CTNND2: variants seen among roughly 807,000 people sequenced by gnomAD.
CTNND2 encodes the protein catenin delta-2.
Under a neutral mutation model 144.4 loss-of-function variants are expected in CTNND2, and 22 were observed. The observed-to-expected ratio is 0.15, with a 90% CI of 0.11 to 0.22. The LOEUF is 0.22. Among genes scored for constraint, CTNND2 ranks in the 10% least tolerant of loss-of-function variants. The pLI is 1.00. For synonymous variants in CTNND2, 751 were observed against 695.6 expected, an observed-to-expected ratio of 1.08 and a Z score of -1.25; for missense variants, 1,353 against 1,618.8, an observed-to-expected ratio of 0.84 and a Z score of 2.82.
At chr5:11,588,365 C>G (rs1779012523) in intron 2 of CTNND2, among the ~76,000 whole-genome samples, 1 of 151,450 alleles carries the variant, frequency 6.6e-6, no homozygotes, top group Non-Finnish European at 1.5e-5. Flanking sequence ...ACTTAATTCT[C>G]ACAGAATTGT....
At chr5:11,731,770 C>A (rs1429358732) in intron 2 of CTNND2, among the ~76,000 whole-genome samples, 3 of 152,032 alleles carry the variant, frequency 2.0e-5, no homozygotes, top group Non-Finnish European at 2.9e-5. Flanking sequence ...TATTTTTAAC[C>A]TCCCGGATAT....
intron 11 of CTNND2, among the ~76,000 whole-genome samples, chr5:11,167,718 CAG>C (rs1759480456): frequency 6.9e-6 from 1 of 145,020 alleles, no homozygotes; most frequent in Admixed American, 7.0e-5. Context: ...TTTTTTCAGA[CAG>C]AGTCTCACTC....
chr5:11,013,510 G>T (rs931622578), intron 18 of CTNND2, among the ~76,000 whole-genome samples: 1 of 152,154 alleles, frequency 6.6e-6, no homozygotes, highest in African/African-American at 2.4e-5. Context: ...AAATGACCTT[G>T]TAGATAAAGA....
chr5:11,748,432 C>T (rs2126780200), intron 1 of CTNND2, among the ~76,000 whole-genome samples: 1 of 152,100 alleles, frequency 6.6e-6, no homozygotes, highest in African/African-American at 2.4e-5. Context: ...TTCAATATTA[C>T]ACTTCAGGGC....
chr5:11,543,867 G>A (rs1046019893), intron 3 of CTNND2, among the ~76,000 whole-genome samples: 6 of 152,010 alleles, frequency 3.9e-5, no homozygotes, highest in African/African-American at 1.4e-4. Flanking sequence ...CCTCATACTC[G>A]GCAGAATAAA....
intron 2 of CTNND2, among the ~76,000 whole-genome samples, chr5:11,624,713 A>G (rs1031415814): frequency 2.6e-5 from 4 of 152,110 alleles, no homozygotes; most frequent in Non-Finnish European, 5.9e-5. Flanking sequence ...GAAAAATAAA[A>G]CAAAATGATT....
chr5:11,060,216 A>G (rs1016980678), intron 16 of CTNND2, among the ~76,000 whole-genome samples: 6 of 152,198 alleles, frequency 3.9e-5, no homozygotes, highest in Non-Finnish European at 5.9e-5. Context: ...TTATAAAGGT[A>G]CTAGCAAAGA....
chr5:11,318,065 C>T (rs576740271), intron 9 of CTNND2, among the ~76,000 whole-genome samples: 1 of 152,312 alleles, frequency 6.6e-6, no homozygotes, highest in East Asian at 1.9e-4. Context: ...TCAGGGAACC[C>T]TCAGTCCCTC....
intron 11 of CTNND2, among the ~76,000 whole-genome samples, chr5:11,167,852 G>A (rs1299609862): frequency 1.3e-5 from 2 of 150,164 alleles, no homozygotes; most frequent in African/African-American, 2.5e-5. Flanking sequence ...CTTCATGCAC[G>A]TGCTACCATA....
intron 3 of CTNND2, among the ~76,000 whole-genome samples, chr5:11,439,924 G>A (rs984583829): frequency 4.6e-5 from 7 of 151,418 alleles, no homozygotes; most frequent in Non-Finnish European, 8.8e-5. Context: ...TCCCTCCCTG[G>A]TCTCCCAAAT....
chr5:11,287,072 G>A (rs551910175), intron 9 of CTNND2, among the ~76,000 whole-genome samples: 129 of 152,170 alleles, frequency 8.5e-4, no homozygotes, highest in African/African-American at 2.8e-3. Flanking sequence ...GCATATTTCC[G>A]GTATCTCTGT....
At chr5:11,762,016 A>G (rs1357698028) in intron 1 of CTNND2, among the ~76,000 whole-genome samples, 2 of 152,232 alleles carry the variant, frequency 1.3e-5, no homozygotes, top group African/African-American at 4.8e-5. Context: ...TGTGTTATCC[A>G]CAGGCATAGG....
rs186238083 is a variant in CTNND2 at position 11,521,083 on chromosome 5, G to A, written c.287+43861C>T. On this transcript the variant is annotated intron_variant, in intron 3 of 21. Coordinates refer to ENST00000304623, the MANE Select transcript of CTNND2 (RefSeq NM_001332.4). ...GAGGGGTAATTCGAATTTTCAAGTT[G>A]AAGATGTGCTTATTACCATTTTAGA... 2.3e-3 allele frequency among the ~76,000 whole-genome samples: 346 copies of A among 152,272 alleles called. 2 individuals carry two copies. Among genetic ancestry groups the A allele is most frequent in the African/African-American group, 7.9e-3 (329 of 41,544 alleles).
At chr5:11,555,770 A>G (rs943152271) in intron 3 of CTNND2, among the ~76,000 whole-genome samples, 1 of 152,222 alleles carries the variant, frequency 6.6e-6, no homozygotes, top group Non-Finnish European at 1.5e-5. Flanking sequence ...ACAATGATTC[A>G]TAAGGAGATT....
At chr5:11,615,531 A>G (rs542569528) in intron 2 of CTNND2, among the ~76,000 whole-genome samples, 4 of 152,332 alleles carry the variant, frequency 2.6e-5, no homozygotes, top group South Asian at 2.1e-4. Context: ...ACACAAATAA[A>G]AAAATCCAAA....
intron 3 of CTNND2, among the ~76,000 whole-genome samples, chr5:11,463,059 T>C (rs61758944): frequency 3.5e-4 from 53 of 152,362 alleles, no homozygotes; most frequent in Non-Finnish European, 6.8e-4. Flanking sequence ...AAGTCCAACA[T>C]AATAGCTTTG....
At chr5:11,762,443 C>G (rs1327341898) in intron 1 of CTNND2, among the ~76,000 whole-genome samples, 1 of 152,124 alleles carries the variant, frequency 6.6e-6, no homozygotes, top group East Asian at 1.9e-4. Flanking sequence ...AATGAAGTAC[C>G]TGGCACAAAA....
intron 3 of CTNND2, among the ~76,000 whole-genome samples, chr5:11,495,935 G>C (rs25940): frequency 0.013 from 2,026 of 152,192 alleles, 31 homozygotes; most frequent in African/African-American, 0.041. Context: ...TCTCCCACAA[G>C]AGGACCTGTG....
chr5:11,196,382 T>C (rs1465792515), intron 11 of CTNND2, among the ~76,000 whole-genome samples: 2 of 152,176 alleles, frequency 1.3e-5, no homozygotes, highest in African/African-American at 4.8e-5. Flanking sequence ...CAACATTTGC[T>C]CTCATCCATG....
Sources: allele counts gnomAD v4.1 joint callset (sites outside exome capture counted in the v4.1 genomes callset), GRCh38; gene constraint gnomAD v4.1.1; transcripts MANE v1.5; gene names NCBI Gene and HGNC (gene_info 2026-07-23, HGNC 2026-07-21).